The following DNAJB1 variants were observed in gnomAD, a reference collection of about 807,000 sequenced individuals.
DNAJB1 encodes the protein dnaJ homolog subfamily B member 1.
Under a neutral mutation model 24.0 loss-of-function variants are expected in DNAJB1, and 14 were observed. That is an observed-to-expected ratio of 0.58 (90% CI 0.39 to 0.91). DNAJB1 has a LOEUF of 0.91. DNAJB1 is among the 40% of genes least tolerant of loss of function. The pLI, the probability that DNAJB1 is intolerant of heterozygous loss-of-function variation, is 0.00. For synonymous variants in DNAJB1, 262 were observed against 174.4 expected (o/e 1.50, Z -3.96); for missense variants, 517 against 458.1 (o/e 1.13, Z -1.17).
At chr19:14,525,472 T>C (rs1326574624) in intron 2 of DNAJB1, among the ~76,000 whole-genome samples, 1 of 152,148 alleles carries the variant, frequency 6.6e-6, no homozygotes, top group East Asian at 1.9e-4. Flanking sequence ...AATGGAATAC[T>C]ATTCAGCTAT....
At chr19:14,529,319 C>A, upstream of DNAJB1, 1 of 415,254 alleles carries the variant, frequency 2.4e-6, no homozygotes. Flanking sequence ...ACCTTGGTTT[C>A]CACAGCGACG....
At chr19:14,517,738 C>A in intron 1 of DNAJB1, 1 of 174,534 alleles carries the variant, frequency 5.7e-6, no homozygotes, top group Admixed American at 6.3e-5. Flanking sequence ...AACCCCTCGC[C>A]CCGCAGCTGA....
intron 2 of DNAJB1, among the ~76,000 whole-genome samples, chr19:14,523,582 G>A (rs2072386007): frequency 6.7e-6 from 1 of 149,968 alleles, no homozygotes. Context: ...AAAGTGCTGG[G>A]ATTACAAGGG....
intron 1 of DNAJB1, among the ~76,000 whole-genome samples, chr19:14,557,603 C>A (rs2073775048): frequency 6.6e-6 from 1 of 151,374 alleles, no homozygotes; most frequent in Non-Finnish European, 1.5e-5. Context: ...AGGCATGCAC[C>A]ACCACGCCTG....
At chr19:14,543,704 C>T (rs895973344) in intron 1 of DNAJB1, among the ~76,000 whole-genome samples, 1 of 150,112 alleles carries the variant, frequency 6.7e-6, no homozygotes, top group Non-Finnish European at 1.5e-5. Context: ...TCCCAAAGTG[C>T]TGGGATTACA....
chr19:14,543,444 TTTTTTTTTTTTTG>T (rs1568406268), intron 1 of DNAJB1, among the ~76,000 whole-genome samples: 2 of 60,748 alleles, frequency 3.3e-5, no homozygotes, highest in African/African-American at 6.1e-5. Context: ...TTTTTTTTTT[TTTTTTTTTTTTTG>T]AGACGGAGTC....
chr19:14,534,371 G>A (rs1191920814), upstream of DNAJB1, among the ~76,000 whole-genome samples: 1 of 139,042 alleles, frequency 7.2e-6, no homozygotes, highest in African/African-American at 2.7e-5. Flanking sequence ...TGATCCGCCC[G>A]CCTCGGCCTC....
At chr19:14,553,068 C>G (rs563908888), upstream of DNAJB1, among the ~76,000 whole-genome samples, 1 of 152,164 alleles carries the variant, frequency 6.6e-6, no homozygotes, top group African/African-American at 2.4e-5. Context: ...CCCAGGTTCT[C>G]CAACTTCCCA....
intron 1 of DNAJB1, among the ~76,000 whole-genome samples, chr19:14,536,324 C>T (rs970151884): frequency 2.3e-4 from 35 of 149,446 alleles, no homozygotes; most frequent in African/African-American, 7.5e-4. Flanking sequence ...GGCTGGAGTG[C>T]AGTGGTGCCA....
intron 2 of DNAJB1, chr19:14,527,688 C>T (rs2072456265): frequency 6.6e-6 from 1 of 152,234 alleles, no homozygotes. Context: ...CTGACTCACC[C>T]TTGCCTCCGC....
rs371405566 is a variant in DNAJB1 at position 14,518,392 on chromosome 19, G to A, written c.-43C>T. ...CGCCGACCCGCTGTCGCCGTCCCCC[G>A]GCTCCGCCGCCGACCAGTCCCGGAC... is the stretch of plus-strand genomic sequence containing the variant. On this transcript the variant is annotated 5_prime_UTR_variant, in exon 1 of 3. Transcript: ENST00000254322. 445 of 1,514,836 alleles carry A rather than the reference G, an allele frequency of 2.9e-4. No individual in the cohort carries two copies. The highest frequency in any genetic ancestry group is 9.2e-4 in the African/African-American group (66 of 71,480). The allele number at this position is 1,514,836 out of a possible 1,614,324, so 93.8% of individuals were successfully genotyped here.
At chr19:14,544,945 T>C (rs2073249291) in intron 1 of DNAJB1, among the ~76,000 whole-genome samples, 1 of 152,118 alleles carries the variant, frequency 6.6e-6, no homozygotes, top group Non-Finnish European at 1.5e-5. Context: ...TGGCTTGTTT[T>C]GAACCATTGA....
At chr19:14,536,322 T>C (rs1370408769) in intron 1 of DNAJB1, among the ~76,000 whole-genome samples, 2 of 149,046 alleles carry the variant, frequency 1.3e-5, no homozygotes, top group African/African-American at 2.5e-5. Context: ...CAGGCTGGAG[T>C]GCAGTGGTGC....
At chr19:14,524,987 G>T (rs1009896530) in intron 2 of DNAJB1, among the ~76,000 whole-genome samples, 2 of 152,146 alleles carry the variant, frequency 1.3e-5, no homozygotes, top group African/African-American at 2.4e-5. Context: ...TGTAATCCCA[G>T]CACTTTGGGA....
chr19:14,526,739 C>T (rs1177183894), intron 2 of DNAJB1, among the ~76,000 whole-genome samples: 1 of 152,164 alleles, frequency 6.6e-6, no homozygotes, highest in African/African-American at 2.4e-5. Flanking sequence ...CATGCCCTAT[C>T]TAACTGCAAC....
intron 1 of DNAJB1, among the ~76,000 whole-genome samples, chr19:14,535,580 ATATATATATGTATG>A (rs1385297128): frequency 3.4e-4 from 13 of 38,218 alleles, no homozygotes; most frequent in African/African-American, 9.4e-4. Flanking sequence ...ATATATATAT[ATATATATATGTATG>A]TATATATAAA....
At position 14,514,813 on chromosome 19, in the gene DNAJB1, AGT is replaced by A. The variant is rs2146514646; in HGVS notation, c.*1125_*1126del. 1 of 152,648 alleles carries A rather than the reference AGT, an allele frequency of 6.6e-6. No homozygotes were observed. The highest frequency in any genetic ancestry group is 1.9e-4 in the East Asian group (1 of 5,194). The allele number at this position is 152,648 out of a possible 1,614,324, so 9.5% of individuals were successfully genotyped here. ...TTAATGCTGTCGCACTTCATTGACTAGTCACACACTTTGGTCTCATGTTGGCA... is the reference window on the plus strand; with the variant it reads ...TTAATGCTGTCGCACTTCATTGACTACACACACTTTGGTCTCATGTTGGCA... On this transcript the variant is annotated 3_prime_UTR_variant, in exon 3 of 3. Transcript: ENST00000254322.
At chr19:14,530,056 G>T, upstream of DNAJB1, 6 of 429,498 alleles carry the variant, frequency 1.4e-5, no homozygotes, top group South Asian at 1.3e-4. Context: ...CTCCCAATCC[G>T]AGGGAGTCTT....
intron 2 of DNAJB1, among the ~76,000 whole-genome samples, chr19:14,526,732 G>A (rs2072431464): frequency 6.6e-6 from 1 of 152,128 alleles, no homozygotes; most frequent in Non-Finnish European, 1.5e-5. Flanking sequence ...ACACCATCAT[G>A]CCCTATCTAA....
Sources: allele counts gnomAD v4.1 joint callset (sites outside exome capture counted in the v4.1 genomes callset), GRCh38; gene constraint gnomAD v4.1.1; transcripts MANE v1.5; gene names NCBI Gene and HGNC (gene_info 2026-07-23, HGNC 2026-07-21).